Variants in PTPRR observed in about 807,000 individuals in gnomAD.
PTPRR encodes protein tyrosine phosphatase receptor type R.
PTPRR carries 38 observed loss-of-function variants against 77.2 expected under a neutral mutation model. The observed-to-expected ratio is 0.49, with a 90% CI of 0.38 to 0.65. PTPRR has a LOEUF of 0.65. Among genes scored for constraint, PTPRR ranks in the 30% least tolerant of loss-of-function variants. PTPRR has a pLI of 0.00. For missense variants in PTPRR, 744 were observed against 799.2 expected (o/e 0.93, Z 0.83); for synonymous variants, 299 against 283.1 (o/e 1.06, Z -0.57).
At chr12:70,842,919 A>G (rs1180943878) in intron 2 of PTPRR, among the ~76,000 whole-genome samples, 1 of 152,206 alleles carries the variant, frequency 6.6e-6, no homozygotes, top group Non-Finnish European at 1.5e-5. Context: ...TTGTTCTCTC[A>G]GCATATTTAA....
intron 8 of PTPRR, among the ~76,000 whole-genome samples, chr12:70,695,181 T>A (rs1293485705): frequency 1.3e-5 from 2 of 152,210 alleles, no homozygotes; most frequent in African/African-American, 2.4e-5. Context: ...GTTGCTATTA[T>A]GTACAAGCTG....
Position 70,800,290 on chromosome 12 carries a change from GT to G in PTPRR, c.358-35513del, listed in dbSNP as rs1304931839. On this transcript the variant is annotated intron_variant, in intron 2 of 13. Coordinates refer to ENST00000283228, the MANE Select transcript of PTPRR (RefSeq NM_002849.4). ...TCTCTTTTTTTTTTTTTGTGCTGAG[GT>G]TATAGAGCTTGATGTGGAAGTCCAT... 2.0e-5 allele frequency among the ~76,000 whole-genome samples: 3 copies of G among 148,876 alleles called. No individual in the cohort carries two copies. The East Asian group carries it at 5.9e-4, about 29-fold the overall frequency.
chr12:70,723,758 C>T (rs1889340612), intron 6 of PTPRR, among the ~76,000 whole-genome samples: 1 of 152,062 alleles, frequency 6.6e-6, no homozygotes, highest in Non-Finnish European at 1.5e-5. Flanking sequence ...TTTGCATTAG[C>T]ATTAAATAAC....
At chr12:70,888,332 C>T (rs544433233) in intron 2 of PTPRR, among the ~76,000 whole-genome samples, 5 of 152,318 alleles carry the variant, frequency 3.3e-5, no homozygotes, top group South Asian at 4.1e-4. Context: ...GTTCCAGTCT[C>T]ACATGGTCAA....
intron 2 of PTPRR, among the ~76,000 whole-genome samples, chr12:70,847,485 C>T (rs1376440194): frequency 6.6e-6 from 1 of 152,112 alleles, no homozygotes; most frequent in Non-Finnish European, 1.5e-5. Flanking sequence ...TGGAAATTTA[C>T]ATCTCAAAAT....
chr12:70,767,643 T>C (rs554195036), intron 2 of PTPRR, among the ~76,000 whole-genome samples: 4 of 152,206 alleles, frequency 2.6e-5, no homozygotes, highest in East Asian at 3.9e-4. Flanking sequence ...AGGAATTGAA[T>C]TCAGCTCTGC....
At chr12:70,661,393 A>C (rs1886795468) in intron 11 of PTPRR, among the ~76,000 whole-genome samples, 1 of 152,172 alleles carries the variant, frequency 6.6e-6, no homozygotes, top group African/African-American at 2.4e-5. Flanking sequence ...AATTTATTAT[A>C]ATAAACAAGA....
intron 2 of PTPRR, among the ~76,000 whole-genome samples, chr12:70,789,446 T>C (rs1012592963): frequency 3.9e-5 from 6 of 152,084 alleles, no homozygotes; most frequent in Non-Finnish European, 8.8e-5. Context: ...TTTATATTGA[T>C]TGGCAAATTA....
intron 2 of PTPRR, among the ~76,000 whole-genome samples, chr12:70,788,506 C>A (rs1473589777): frequency 6.6e-6 from 1 of 152,274 alleles, no homozygotes; most frequent in East Asian, 1.9e-4. Flanking sequence ...CTTTTAAGAA[C>A]TTTTGAGTTC....
intron 6 of PTPRR, among the ~76,000 whole-genome samples, chr12:70,727,816 G>T (rs1266254536): frequency 6.6e-6 from 1 of 152,158 alleles, no homozygotes; most frequent in East Asian, 1.9e-4. Context: ...TCACCCTCAG[G>T]TCTTTGATTT....
intron 2 of PTPRR, among the ~76,000 whole-genome samples, chr12:70,800,976 C>G (rs575761687): frequency 6.6e-6 from 1 of 152,036 alleles, no homozygotes; most frequent in Admixed American, 6.5e-5. Flanking sequence ...CCCACAAACC[C>G]CACCACACAT....
intron 6 of PTPRR, among the ~76,000 whole-genome samples, chr12:70,731,703 G>T (rs1409452148): frequency 6.6e-6 from 1 of 152,198 alleles, no homozygotes; most frequent in Admixed American, 6.5e-5. Flanking sequence ...GAATCAACTG[G>T]ATGTTTTAGA....
intron 4 of PTPRR, among the ~76,000 whole-genome samples, chr12:70,761,160 A>G (rs10506607): frequency 0.066 from 10,067 of 152,254 alleles, 360 homozygotes; most frequent in Middle Eastern, 0.099. Context: ...GTTTCAAGCG[A>G]TCAATTGACA....
chr12:70,665,086 A>G (rs1886937796), intron 10 of PTPRR, among the ~76,000 whole-genome samples: 2 of 152,350 alleles, frequency 1.3e-5, no homozygotes, highest in South Asian at 2.1e-4. Flanking sequence ...GTGAAACCAC[A>G]CTAATTGTAG....
intron 13 of PTPRR, among the ~76,000 whole-genome samples, chr12:70,647,478 C>T (rs1158424694): frequency 6.6e-6 from 1 of 152,228 alleles, no homozygotes; most frequent in Admixed American, 6.5e-5. Flanking sequence ...TGAGACACTG[C>T]ATCTCTCATG....
rs12310674 is a variant in PTPRR, at chr12:70,891,213, A to G, written c.357+1466T>C. On this transcript the variant is annotated intron_variant, in intron 2 of 13. Coordinates refer to ENST00000283228, the MANE Select transcript of PTPRR (RefSeq NM_002849.4). The stretch of plus-strand genomic sequence containing the variant: ...GTGAAATGACCTGCCAGAATTCCTC[A>G]TTGGTGCCTTTTATTGTCCATGATA... Among the ~76,000 whole-genome samples, 534 of 152,214 alleles carry G rather than the reference A, an allele frequency of 3.5e-3. 1 individual carries two copies. Among genetic ancestry groups the G allele is most frequent in the African/African-American group, 9.9e-3 (413 of 41,530 alleles).
At chr12:70,769,095 G>A (rs1890903500) in intron 2 of PTPRR, among the ~76,000 whole-genome samples, 1 of 134,480 alleles carries the variant, frequency 7.4e-6, no homozygotes, top group African/African-American at 3.2e-5. Context: ...TTTGAAAACT[G>A]GCACAAGACA....
intron 6 of PTPRR, among the ~76,000 whole-genome samples, chr12:70,732,335 G>GT (rs915411184): frequency 6.6e-6 from 1 of 152,160 alleles, no homozygotes; most frequent in Non-Finnish European, 1.5e-5. Context: ...AGGAGCCAAC[G>GT]TAACAAGAGT....
intron 6 of PTPRR, among the ~76,000 whole-genome samples, chr12:70,740,324 C>T (rs551514985): frequency 1.2e-3 from 178 of 150,384 alleles, no homozygotes; most frequent in Non-Finnish European, 2.0e-3. Context: ...TATGATTTGG[C>T]GATTAGTTTG....
Sources: allele counts gnomAD v4.1 joint callset (sites outside exome capture counted in the v4.1 genomes callset), GRCh38; gene constraint gnomAD v4.1.1; transcripts MANE v1.5; gene names NCBI Gene and HGNC (gene_info 2026-07-23, HGNC 2026-07-21).